SRRM4: variants seen among roughly 807,000 people sequenced by gnomAD.
The protein encoded by SRRM4 is serine/arginine repetitive matrix protein 4.
In SRRM4, 33 loss-of-function variants were observed where a neutral mutation model predicts 68.9. The ratio of observed to expected loss-of-function variants is 0.48; its 90% CI spans 0.36 to 0.64. The LOEUF (loss-of-function observed/expected upper bound fraction) is 0.64. Ranked by LOEUF, SRRM4 falls within the 30% of genes least tolerant of loss-of-function variation. SRRM4 has a pLI of 0.00. For synonymous variants in SRRM4, 318 were observed against 318.8 expected (o/e 1.00, Z 0.03); for missense variants, 817 against 827.1 (o/e 0.99, Z 0.15).
At chr12:119,071,021 G>A (rs1459898863) in intron 1 of SRRM4, among the ~76,000 whole-genome samples, 1 of 152,156 alleles carries the variant, frequency 6.6e-6, no homozygotes, top group Non-Finnish European at 1.5e-5. Context: ...TCCCACGGGG[G>A]CTTAGGTGTG....
Position 119,130,684 on chromosome 12 carries a change from C to T in SRRM4, c.621C>T (p.Arg207=), listed in dbSNP as rs763996258. ...CTCTCTCCCCCATCCCCAGGCACCG[C>T]GGCCGGTCCCCTGAGGAAGGGCAGA... ...SRPSSCESRH[R]GRSPEEGQKS... The change falls in exon 8 of 13, where the codon CGC becomes CGT. Residue 207 remains arginine, a synonymous_variant. Coordinates refer to ENST00000267260, the MANE Select transcript of SRRM4 (RefSeq NM_194286.4). 4.8e-5 allele frequency: 78 copies of T among 1,610,024 alleles called. No homozygotes were observed. The highest frequency in any genetic ancestry group is 2.9e-4 in the East Asian group (13 of 44,858).
intron 2 of SRRM4, 138 bp from the exon 3 acceptor site, chr12:119,114,140 G>T: frequency 1.6e-6 from 1 of 626,846 alleles, no homozygotes; most frequent in Non-Finnish European, 2.9e-6. Context: ...GACCCAATCA[G>T]CCATGAGGTG....
At chr12:119,046,255 G>A (rs1021583121) in intron 1 of SRRM4, among the ~76,000 whole-genome samples, 1 of 151,952 alleles carries the variant, frequency 6.6e-6, no homozygotes, top group Non-Finnish European at 1.5e-5. Flanking sequence ...TGGGCCCCTG[G>A]GAGCAGGAGG....
At chr12:119,042,567 G>A (rs1043847605) in intron 1 of SRRM4, among the ~76,000 whole-genome samples, 10 of 151,526 alleles carry the variant, frequency 6.6e-5, no homozygotes, top group Non-Finnish European at 1.2e-4. Flanking sequence ...GAGAGGAAGA[G>A]GGGGTGGTAG....
At chr12:119,102,211 T>G in intron 1 of SRRM4, 25 bp from the exon 2 acceptor site, 1 of 1,597,488 alleles carries the variant, frequency 6.3e-7, no homozygotes. Flanking sequence ...CTAACACTTT[T>G]GTGTCCTTAT....
At chr12:118,995,722 A>G (rs1565885711) in intron 1 of SRRM4, among the ~76,000 whole-genome samples, 1 of 152,204 alleles carries the variant, frequency 6.6e-6, no homozygotes, top group African/African-American at 2.4e-5. Context: ...CCATTATGCA[A>G]TCATGGTTAT....
chr12:119,109,792 A>T (rs1335153111), intron 2 of SRRM4, among the ~76,000 whole-genome samples: 3 of 152,038 alleles, frequency 2.0e-5, no homozygotes, highest in Non-Finnish European at 1.5e-5. Flanking sequence ...AGAAGTTTGT[A>T]ATCACTGATC....
At chr12:119,046,873 T>C (rs938401510) in intron 1 of SRRM4, among the ~76,000 whole-genome samples, 3 of 151,790 alleles carry the variant, frequency 2.0e-5, no homozygotes, top group South Asian at 2.1e-4. Context: ...CTACTAAAAA[T>C]ACAAAAAAAT....
At chr12:119,014,123 T>C (rs1953466630) in intron 1 of SRRM4, among the ~76,000 whole-genome samples, 1 of 152,214 alleles carries the variant, frequency 6.6e-6, no homozygotes, top group South Asian at 2.1e-4. Flanking sequence ...GCCACACGTC[T>C]TTGCATGTTT....
At chr12:119,063,823 A>G (rs555658503) in intron 1 of SRRM4, among the ~76,000 whole-genome samples, 2 of 152,344 alleles carry the variant, frequency 1.3e-5, no homozygotes, top group African/African-American at 2.4e-5. Context: ...AACACAAAAT[A>G]TAGTATCTAT....
Position 119,156,599 on chromosome 12 carries a change from G to T in SRRM4, c.1637G>T (p.Ser546Ile), listed in dbSNP as rs1461430142. Residue 546 changes from serine (S) to isoleucine (I), a missense_variant, in exon 13 of 13, where the codon AGC (serine) becomes ATC (isoleucine). Coordinates refer to ENST00000267260, the MANE Select transcript of SRRM4 (RefSeq NM_194286.4). ...AGCAGCAGCAGTAGCCGCTCGGCCA[G>T]CCGCAGCTACTCCCGGAGCCGGAGT... ...WYSSSSSRSA[S>I]RSYSRSRSRS... The T allele has an allele frequency of 3.1e-6, 5 of 1,610,852 alleles. No homozygotes were observed. In the East Asian group the frequency reaches 1.1e-4, roughly 36 times the overall value.
Position 119,156,860 on chromosome 12 carries a change from G to C in SRRM4, c.*62G>C, listed in dbSNP as rs1954477300. 2.1e-6 allele frequency: 3 copies of C among 1,458,506 alleles called. No individual in the cohort carries two copies. Among genetic ancestry groups the C allele is most frequent in the Non-Finnish European group, 1.8e-6 (2 of 1,110,158 alleles). The allele number at this position is 1,458,506 out of a possible 1,614,324, so 90.3% of individuals were successfully genotyped here. On this transcript the variant is annotated 3_prime_UTR_variant, in exon 13 of 13. Coordinates refer to ENST00000267260, the MANE Select transcript of SRRM4 (RefSeq NM_194286.4). ...CGCTGCCAGCCTCCCCCAACCACCT[G>C]CCCTCCCCGCCTTCTTGGTGACAAA...
chr12:118,992,322 A>C (rs1000362026), intron 1 of SRRM4: 6 of 152,148 alleles, frequency 3.9e-5, no homozygotes, highest in Non-Finnish European at 5.9e-5. Context: ...CCACGCTGTG[A>C]GACATGACAT....
chr12:119,077,368 C>T (rs1193158409), intron 1 of SRRM4, among the ~76,000 whole-genome samples: 1 of 152,154 alleles, frequency 6.6e-6, no homozygotes, highest in Non-Finnish European at 1.5e-5. Context: ...AAATACTAGA[C>T]TTGGAATTAA....
chr12:119,146,332 A>T (rs1049409123), intron 9 of SRRM4, among the ~76,000 whole-genome samples: 2 of 152,220 alleles, frequency 1.3e-5, no homozygotes, highest in Admixed American at 6.5e-5. Flanking sequence ...CACACCTGTA[A>T]TCCCAGCACT....
intron 1 of SRRM4, among the ~76,000 whole-genome samples, chr12:119,088,458 GATAATT>G (rs1953993115): frequency 1.3e-5 from 2 of 152,156 alleles, no homozygotes; most frequent in Admixed American, 6.5e-5. Flanking sequence ...TAATTGCAAT[GATAATT>G]ATAATAATAA....
chr12:119,140,370 T>C (rs533181834), intron 8 of SRRM4, among the ~76,000 whole-genome samples: 1 of 128,314 alleles, frequency 7.8e-6, no homozygotes. Flanking sequence ...AGAGCGAGAC[T>C]CTGTCTCAAA....
rs529352797 is a variant in SRRM4, at chr12:119,128,240, C to T, written c.615-2438C>T. The stretch of plus-strand genomic sequence containing the variant: ...TCAAGTCTGAGCCCAGATGAGAACA[C>T]CGCAAAACACAAAAGTGACCAAGCA... On this transcript the variant is annotated intron_variant, in intron 7 of 12. Coordinates refer to ENST00000267260, the MANE Select transcript of SRRM4 (RefSeq NM_194286.4). 3.9e-5 allele frequency among the ~76,000 whole-genome samples: 6 copies of T among 152,278 alleles called. No individual in the cohort carries two copies. In the East Asian group the frequency reaches 7.7e-4, roughly 20 times the overall value.
intron 3 of SRRM4, among the ~76,000 whole-genome samples, chr12:119,114,568 A>G (rs1196877298): frequency 6.6e-6 from 1 of 151,710 alleles, no homozygotes; most frequent in Non-Finnish European, 1.5e-5. Flanking sequence ...CTACCTTTTG[A>G]GATTTCATGA....
Sources: allele counts gnomAD v4.1 joint callset (sites outside exome capture counted in the v4.1 genomes callset), GRCh38; gene constraint gnomAD v4.1.1; transcripts MANE v1.5; gene names NCBI Gene and HGNC (gene_info 2026-07-23, HGNC 2026-07-21).